RNF13: variants seen among roughly 807,000 people sequenced by gnomAD.
RNF13 encodes the protein ring finger protein 13, also known as E3 ubiquitin-protein ligase RNF13.
Under a neutral mutation model 37.7 loss-of-function variants are expected in RNF13, and 19 were observed. The ratio of observed to expected loss-of-function variants is 0.50; its 90% CI spans 0.35 to 0.74. RNF13 has a LOEUF of 0.74. Among genes scored for constraint, RNF13 ranks in the 30% least tolerant of loss-of-function variants. RNF13 has a pLI of 0.01. For missense variants in RNF13, 375 were observed against 453.0 expected, an observed-to-expected ratio of 0.83 and a Z score of 1.56; for synonymous variants, 144 against 157.8, an observed-to-expected ratio of 0.91 and a Z score of 0.65.
chr3:149,922,021 T>C (rs1392680246), intron 8 of RNF13, among the ~76,000 whole-genome samples: 1 of 152,164 alleles, frequency 6.6e-6, no homozygotes, highest in African/African-American at 2.4e-5. Flanking sequence ...TCACCCAGGC[T>C]GGAGTGCAGT....
intron 4 of RNF13, among the ~76,000 whole-genome samples, chr3:149,884,172 T>C (rs1467423602): frequency 1.3e-5 from 2 of 152,212 alleles, no homozygotes; most frequent in Non-Finnish European, 2.9e-5. Context: ...TGATTAGATG[T>C]TGGACATAGT....
At position 149,823,998 on chromosome 3, in the gene RNF13, C is replaced by T. The variant is rs1269668337; in HGVS notation, c.-17+10645C>T. Among the ~76,000 whole-genome samples, 3 of 152,182 alleles carry T rather than the reference C, an allele frequency of 2.0e-5. No individual in the cohort carries two copies. The East Asian group carries it at 5.8e-4, about 29-fold the overall frequency. ...GGGCTGGGGCAGGAAAAGTACAAGG[C>T]AGGACTGGAAAATCTTGTGCCAGAA... is the stretch of plus-strand genomic sequence containing the variant. On this transcript the variant is annotated intron_variant, in intron 1 of 9. Transcript: ENST00000392894.
At position 149,961,075 on chromosome 3, in the gene RNF13, C is replaced by CG. The variant is rs1722366382; in HGVS notation, c.1120dup (p.Asp374GlyfsTer14). 6.2e-7 allele frequency: 1 copy of CG among 1,612,378 alleles called. No homozygotes were observed. On this transcript the variant is annotated frameshift_variant, in exon 10 of 10. Coordinates refer to ENST00000392894, the MANE Select transcript of RNF13 (RefSeq NM_183381.3). LOFTEE classifies it high-confidence loss of function. ...GGTCCAGTTGCAGCCTAATGGTGAA[C>CG]GGGATTACAACATAGCAAATACTGT... is the stretch of plus-strand genomic sequence containing the variant.
At chr3:149,897,662 A>G (rs574955197) in intron 5 of RNF13, among the ~76,000 whole-genome samples, 1 of 152,292 alleles carries the variant, frequency 6.6e-6, no homozygotes, top group South Asian at 2.1e-4. Flanking sequence ...AACGTTTTAT[A>G]TGTACAGAGA....
intron 7 of RNF13, among the ~76,000 whole-genome samples, chr3:149,919,888 A>C (rs1305016650): frequency 6.6e-6 from 1 of 152,200 alleles, no homozygotes; most frequent in Non-Finnish European, 1.5e-5. Flanking sequence ...CAGTCCCTCC[A>C]CTTCCGTGCC....
At chr3:149,918,165 A>G (rs926958025) in intron 7 of RNF13, among the ~76,000 whole-genome samples, 1 of 152,228 alleles carries the variant, frequency 6.6e-6, no homozygotes, top group African/African-American at 2.4e-5. Flanking sequence ...CATTCAGTTA[A>G]TACAAATATA....
rs572163211 is a variant in RNF13 at position 149,855,675 on chromosome 3, GGTC to G, written c.195+3080_195+3082del. 9.5e-3 allele frequency among the ~76,000 whole-genome samples: 1,444 copies of G among 151,614 alleles called. 10 individuals carry two copies. Among genetic ancestry groups the G allele is most frequent in the Middle Eastern group, 0.027 (8 of 292 alleles). The stretch of plus-strand genomic sequence containing the variant: ...AAAGTTGTTATTTCTCTAGGATAGA[GGTC>G]TGGAAGTAGAATTGATGAAACCAAT... On this transcript the variant is annotated intron_variant, in intron 3 of 9. Coordinates refer to ENST00000392894, the MANE Select transcript of RNF13 (RefSeq NM_183381.3).
intron 1 of RNF13, among the ~76,000 whole-genome samples, chr3:149,815,439 G>A (rs1719340361): frequency 6.6e-6 from 1 of 152,192 alleles, no homozygotes; most frequent in Non-Finnish European, 1.5e-5. Flanking sequence ...TGTTTAGCAG[G>A]AGGCAAATGA....
chr3:149,898,354 C>T (rs142397656), intron 5 of RNF13, among the ~76,000 whole-genome samples: 1 of 151,976 alleles, frequency 6.6e-6, no homozygotes, highest in African/African-American at 2.4e-5. Flanking sequence ...ATTTTGACAG[C>T]CTACCCTGCA....
intron 4 of RNF13, among the ~76,000 whole-genome samples, chr3:149,886,966 C>T (rs2108474019): frequency 6.6e-6 from 1 of 151,988 alleles, no homozygotes; most frequent in South Asian, 2.1e-4. Flanking sequence ...TGTGAATTTC[C>T]CAAATTTCCT....
intron 4 of RNF13, among the ~76,000 whole-genome samples, chr3:149,877,258 G>A (rs577589740): frequency 1.2e-4 from 19 of 152,156 alleles, no homozygotes; most frequent in Non-Finnish European, 8.8e-5. Flanking sequence ...ATAATAAAAT[G>A]TGAATAGATT....
At chr3:149,819,844 GAGA>G (rs1339244672) in intron 1 of RNF13, among the ~76,000 whole-genome samples, 1 of 152,174 alleles carries the variant, frequency 6.6e-6, no homozygotes, top group African/African-American at 2.4e-5. Context: ...TTCCTTTTAA[GAGA>G]AGGTGTTCCC....
intron 3 of RNF13, among the ~76,000 whole-genome samples, chr3:149,866,687 C>T (rs56047378): frequency 0.027 from 4,035 of 152,142 alleles, 69 homozygotes; most frequent in South Asian, 0.035. Context: ...TATAAACTTC[C>T]CTCTTAATAC....
chr3:149,839,761 A>T (rs916626439), intron 1 of RNF13, among the ~76,000 whole-genome samples: 1 of 152,064 alleles, frequency 6.6e-6, no homozygotes, highest in Non-Finnish European at 1.5e-5. Context: ...ATAGCTAAGG[A>T]TTTTTTTAAA....
At chr3:149,959,552 A>G (rs1722184088) in intron 8 of RNF13, among the ~76,000 whole-genome samples, 1 of 152,218 alleles carries the variant, frequency 6.6e-6, no homozygotes, top group Admixed American at 6.5e-5. Context: ...TTTTACTGAT[A>G]AAGAACTGGA....
At chr3:149,847,895 T>C (rs1158860394) in intron 2 of RNF13, among the ~76,000 whole-genome samples, 1 of 152,172 alleles carries the variant, frequency 6.6e-6, no homozygotes, top group Non-Finnish European at 1.5e-5. Flanking sequence ...GGATTGCTAT[T>C]CTGTGGTGGA....
intron 8 of RNF13, among the ~76,000 whole-genome samples, chr3:149,930,415 C>A (rs1719053414): frequency 6.6e-6 from 1 of 152,190 alleles, no homozygotes; most frequent in African/African-American, 2.4e-5. Flanking sequence ...TCAAGTTGGG[C>A]ATCCCACTTG....
intron 4 of RNF13, among the ~76,000 whole-genome samples, chr3:149,889,908 C>T (rs535945163): frequency 6.6e-6 from 1 of 152,228 alleles, no homozygotes; most frequent in South Asian, 2.1e-4. Flanking sequence ...AACTCCTGAC[C>T]TCGTGATCTG....
chr3:149,874,643 CAT>C (rs996572728), intron 4 of RNF13, among the ~76,000 whole-genome samples: 27 of 152,272 alleles, frequency 1.8e-4, no homozygotes, highest in African/African-American at 6.3e-4. Flanking sequence ...TGGTAAGTCA[CAT>C]GTGATATAGC....
Sources: gnomAD v4.1 joint callset for allele counts (sites outside exome capture counted in the v4.1 genomes callset) on GRCh38, gnomAD v4.1.1 for gene constraint, MANE v1.5 for transcripts, NCBI Gene and HGNC (gene_info 2026-07-23, HGNC 2026-07-21) for gene names.